Variants in NFATC2 observed in about 807,000 individuals in gnomAD.
NFATC2 encodes nuclear factor of activated T-cells, cytoplasmic 2.
NFATC2 carries 22 observed loss-of-function variants against 87.3 expected under a neutral mutation model. The ratio of observed to expected loss-of-function variants is 0.25; its 90% CI spans 0.18 to 0.36. The LOEUF is 0.36. Ranked by LOEUF, NFATC2 falls within the 10% of genes least tolerant of loss-of-function variation. The probability of loss-of-function intolerance (pLI) is 1.00; values close to 1 mark genes in which losing one functional copy is unlikely to be tolerated. For missense variants in NFATC2, 1,149 were observed against 1,259.1 expected (o/e 0.91, Z 1.32); for synonymous variants, 565 against 542.2 (o/e 1.04, Z -0.58).
chr20:51,509,681 G>A (rs1229838256), intron 3 of NFATC2, among the ~76,000 whole-genome samples: 4 of 152,228 alleles, frequency 2.6e-5, no homozygotes, highest in African/African-American at 9.6e-5. Flanking sequence ...AAGGAGCACT[G>A]CTTACTGTCA....
chr20:51,475,477 T>G lies in NFATC2; in HGVS notation c.1516A>C (p.Lys506Gln). 6.2e-7 allele frequency: 1 copy of G among 1,613,826 alleles called. No individual in the cohort carries two copies. The highest frequency in any genetic ancestry group is 8.5e-7 in the Non-Finnish European group (1 of 1,179,966). ...TKVLEIPLEPKNNMRATIDCA... is the reference protein window; with the variant it reads ...TKVLEIPLEPQNNMRATIDCA... Reference sequence around the variant, plus strand: ...CCTTACGTTGCCCTCATGTTGTTTTTGGGCTCCAAGGGTATCTCCAGGACT... The same window carrying G: ...CCTTACGTTGCCCTCATGTTGTTTTGGGGCTCCAAGGGTATCTCCAGGACT... The change falls in exon 4 of 11, where the codon AAA becomes CAA. Residue 506 changes from lysine to glutamine, a missense_variant. Coordinates refer to ENST00000371564, the MANE Select transcript of NFATC2 (RefSeq NM_012340.5).
Position 51,523,934 on chromosome 20 carries a change from G to A in NFATC2, c.307C>T (p.Pro103Ser). Residue 103 changes from proline (P) to serine (S), a missense_variant, in exon 2 of 11, where the codon CCA (proline) becomes TCA (serine). Physicochemically the swap from Pro to Ser is moderately conservative, Grantham distance 74 (BLOSUM62 -1). This residue lies in a region of NFATC2 where 563 missense variants were observed against 585.2 expected (regional missense o/e 0.96). Coordinates refer to ENST00000371564, the MANE Select transcript of NFATC2 (RefSeq NM_012340.5). The surrounding 1 kb of genome is among the most constrained non-coding windows in gnomAD (Gnocchi z 6.9). ...GPQKFLSAAK[P>S]AGASGLSPRI... is the part of the protein sequence containing the mutation. The stretch of plus-strand genomic sequence containing the variant: ...GGGCTCAGGCCCGAGGCCCCTGCTG[G>A]CTTGGCCGCGCTCAGAAACTTCTGC... 1 of 1,597,270 alleles carries A rather than the reference G, an allele frequency of 6.3e-7. No individual in the cohort carries two copies. Among genetic ancestry groups the A allele is most frequent in the Non-Finnish European group, 8.5e-7 (1 of 1,175,524 alleles).
chr20:51,519,625 C>T lies in NFATC2; in HGVS notation c.1161-2670G>A, dbSNP rs1205221745. ...GCGACAGAGCAAGACTCCATCTCAA[C>T]ACAAAAAAGACCGGGTGCGGTGGCT... is the stretch of plus-strand genomic sequence containing the variant. On this transcript the variant is annotated intron_variant, in intron 2 of 10. Transcript: ENST00000371564. 2.7e-5 allele frequency among the ~76,000 whole-genome samples: 4 copies of T among 145,890 alleles called. No homozygotes were observed. The Admixed American group carries it at 2.8e-4, about 10-fold the overall frequency.
intron 9 of NFATC2, among the ~76,000 whole-genome samples, chr20:51,417,661 A>T (rs1697836928): frequency 6.6e-6 from 1 of 152,208 alleles, no homozygotes; most frequent in Non-Finnish European, 1.5e-5. Context: ...TCTGGTTGAC[A>T]TTTGATGAAC....
At chr20:51,484,646 C>T (rs1056391745) in intron 3 of NFATC2, among the ~76,000 whole-genome samples, 3 of 152,240 alleles carry the variant, frequency 2.0e-5, no homozygotes, top group Non-Finnish European at 2.9e-5. Context: ...ACGCCCACAC[C>T]GGCTTCTCTC....
At chr20:51,429,418 G>A (rs1168817458) in intron 9 of NFATC2, among the ~76,000 whole-genome samples, 2 of 152,238 alleles carry the variant, frequency 1.3e-5, no homozygotes, top group Non-Finnish European at 2.9e-5. Flanking sequence ...ATCCAGCTCT[G>A]GCCTCAGGAA....
intron 9 of NFATC2, among the ~76,000 whole-genome samples, chr20:51,419,888 GA>G (rs1474705243): frequency 6.6e-6 from 1 of 151,826 alleles, no homozygotes; most frequent in Non-Finnish European, 1.5e-5. Context: ...GCCAGAGAAA[GA>G]AAGGACAGGA....
At chr20:51,477,820 A>G (rs1988888039) in intron 3 of NFATC2, among the ~76,000 whole-genome samples, 1 of 151,944 alleles carries the variant, frequency 6.6e-6, no homozygotes, top group Non-Finnish European at 1.5e-5. Flanking sequence ...GAATGGTTAC[A>G]TATGGTCTAG....
intron 1 of NFATC2, among the ~76,000 whole-genome samples, chr20:51,526,604 G>C (rs1400287966): frequency 1.3e-5 from 2 of 152,164 alleles, no homozygotes; most frequent in African/African-American, 4.8e-5. Context: ...TCCGGGGCCT[G>C]CCAGCCAGAA....
intron 5 of NFATC2, among the ~76,000 whole-genome samples, chr20:51,470,084 T>C (rs1360058785): frequency 6.6e-6 from 1 of 151,766 alleles, no homozygotes; most frequent in Non-Finnish European, 1.5e-5. Flanking sequence ...CCGTGCCAAG[T>C]GGAGAAGGGA....
chr20:51,389,731 G>A lies in NFATC2; in HGVS notation c.*1765C>T, dbSNP rs1473250950. 1 of 152,132 alleles carries A rather than the reference G, an allele frequency of 6.6e-6. No homozygotes were observed. The highest frequency in any genetic ancestry group is 1.5e-5 in the Non-Finnish European group (1 of 68,036). The allele number at this position is 152,132 out of a possible 1,614,324, so 9.4% of individuals were successfully genotyped here. ...GAGCATTTTGCCTTCTATCTGGAGT[G>A]CCAAACACACCTGGCCCCACTCCCA... On this transcript the variant is annotated 3_prime_UTR_variant, in exon 11 of 11. Transcript: ENST00000371564.
rs542742290 is a variant in NFATC2, at chr20:51,550,862, G to A, written c.70+11698C>T. Among the ~76,000 whole-genome samples the A allele has an allele frequency of 5.7e-4, 87 of 152,222 alleles. 1 individual carries two copies. Among genetic ancestry groups the A allele is most frequent in the Non-Finnish European group, 2.4e-4 (16 of 68,004 alleles). ...GTACAGTTTCTACTGAACTCATATC[G>A]CTTTCACACCATCGTAAAGAAAGCC... On this transcript the variant is annotated intron_variant, in intron 1 of 10. Coordinates refer to the NFATC2 transcript ENST00000414705.
intron 1 of NFATC2, among the ~76,000 whole-genome samples, chr20:51,556,865 T>C (rs1291176680): frequency 6.6e-6 from 1 of 152,028 alleles, no homozygotes; most frequent in Non-Finnish European, 1.5e-5. Flanking sequence ...ATAGGTCCAT[T>C]GTGATAGAGA....
At chr20:51,394,806 G>A (rs1568919712) in intron 10 of NFATC2, among the ~76,000 whole-genome samples, 1 of 147,752 alleles carries the variant, frequency 6.8e-6, no homozygotes, top group African/African-American at 2.7e-5. Context: ...TCTACCCTAG[G>A]CCAGCAACTG....
chr20:51,392,567 C>T (rs1431893366), intron 10 of NFATC2, among the ~76,000 whole-genome samples: 1 of 152,188 alleles, frequency 6.6e-6, no homozygotes. Flanking sequence ...TATGTCTACA[C>T]CTTCAGTTTT....
At chr20:51,438,507 G>A (rs73269933) in intron 6 of NFATC2, among the ~76,000 whole-genome samples, 3,475 of 150,752 alleles carry the variant, frequency 0.023, 121 homozygotes, top group East Asian at 0.13. Flanking sequence ...GAAAATAGTA[G>A]CTGGAAATGT....
chr20:51,534,568 T>C (rs949422456), intron 1 of NFATC2, among the ~76,000 whole-genome samples: 2 of 152,142 alleles, frequency 1.3e-5, no homozygotes, highest in African/African-American at 4.8e-5. Flanking sequence ...CTCCTGACCT[T>C]AGGTGATCCA....
At position 51,407,546 on chromosome 20, in the gene NFATC2, G is replaced by A. The variant is rs79437030; in HGVS notation, c.2723-8816C>T. ...GTGCTGTAGTCCTCAGCTCTGTAGA[G>A]CAGATTCCAAGGAAACTGGGAATCA... On this transcript the variant is annotated intron_variant, in intron 9 of 10. Coordinates refer to ENST00000371564, the MANE Select transcript of NFATC2 (RefSeq NM_012340.5). Among the ~76,000 whole-genome samples the A allele has an allele frequency of 8.2e-3, 1,253 of 152,318 alleles. 21 individuals carry two copies. The highest frequency in any genetic ancestry group is 0.029 in the African/African-American group (1,192 of 41,566).
chr20:51,492,374 C>A (rs1386634819), intron 3 of NFATC2, among the ~76,000 whole-genome samples: 1 of 152,140 alleles, frequency 6.6e-6, no homozygotes, highest in Non-Finnish European at 1.5e-5. Flanking sequence ...CAGGAGTGTG[C>A]GTGAGTGCGG....
Sources: allele counts gnomAD v4.1 joint callset (sites outside exome capture counted in the v4.1 genomes callset), GRCh38; gene constraint gnomAD v4.1.1; regional missense constraint gnomAD v4.1.1; non-coding constraint Gnocchi (gnomAD v3.1); transcripts MANE v1.5; gene names NCBI Gene and HGNC (gene_info 2026-07-23, HGNC 2026-07-21).